Variants in MAP3K9 observed in about 807,000 individuals in gnomAD.
MAP3K9 encodes the protein mixed lineage kinase 1 (tyr and ser/thr specificity).
MAP3K9 carries 46 observed loss-of-function variants against 95.8 expected under a neutral mutation model. The ratio of observed to expected loss-of-function variants is 0.48; its 90% CI spans 0.38 to 0.61. MAP3K9 has a LOEUF of 0.61. MAP3K9 is among the 20% of genes least tolerant of loss of function. The probability of loss-of-function intolerance (pLI) is 0.00; values close to 1 mark genes in which losing one functional copy is unlikely to be tolerated. For synonymous variants in MAP3K9, 533 were observed against 593.8 expected (o/e 0.90, Z 1.49); for missense variants, 1,296 against 1,474.3 (o/e 0.88, Z 1.98).
At chr14:70,774,720 C>G (rs1566755115) in intron 2 of MAP3K9, among the ~76,000 whole-genome samples, 1 of 151,774 alleles carries the variant, frequency 6.6e-6, no homozygotes, top group Non-Finnish European at 1.5e-5. Flanking sequence ...GGCACGGTGG[C>G]TCACGCCTGT....
chr14:70,782,416 A>G (rs2054691579), intron 2 of MAP3K9, among the ~76,000 whole-genome samples: 1 of 152,166 alleles, frequency 6.6e-6, no homozygotes, highest in Non-Finnish European at 1.5e-5. Flanking sequence ...CAGGCATTGC[A>G]GAGGAGAAAG....
rs2053836303 is a variant in MAP3K9 at position 70,727,610 on chromosome 14, C to G, written c.*2770G>C. 6.6e-6 allele frequency: 1 copy of G among 152,392 alleles called. No homozygotes were observed. Among genetic ancestry groups the G allele is most frequent in the Admixed American group, 6.5e-5 (1 of 15,296 alleles). 9.4% of individuals were successfully genotyped at this position (152,392 alleles called of 1,614,324 possible). ...GCCACTGAGACCTGCTACTACTATA[C>G]AGATCCTTAGCCCATCTCCAACCTT... On this transcript the variant is annotated 3_prime_UTR_variant, in exon 12 of 12. Coordinates refer to ENST00000554752, the MANE Select transcript of MAP3K9 (RefSeq NM_001284230.2).
intron 2 of MAP3K9, among the ~76,000 whole-genome samples, chr14:70,773,959 T>G (rs1209989876): frequency 1.3e-5 from 2 of 152,214 alleles, no homozygotes; most frequent in African/African-American, 2.4e-5. Context: ...TGCTCATTAC[T>G]ACAGCAAAAC....
intron 10 of MAP3K9, 107 bp downstream of exon 10, chr14:70,734,279 C>T: frequency 1.3e-6 from 1 of 770,266 alleles, no homozygotes; most frequent in Non-Finnish European, 2.3e-6. Context: ...CCAATGTTTC[C>T]TCCATGAAGC....
At position 70,733,311 on chromosome 14, in the gene MAP3K9, T is replaced by C. The variant is rs762107916; in HGVS notation, c.2058A>G (p.Gly686=). 2 of 1,542,470 alleles carry C rather than the reference T, an allele frequency of 1.3e-6. No individual in the cohort carries two copies. The highest frequency in any genetic ancestry group is 3.5e-5 in the Admixed American group (2 of 57,098). The part of the protein sequence containing the change: ...EDEDSEGPGS[G]ESRLQHSPSQ... Reference sequence around the variant, plus strand: ...TGGGTGAATGCTGTAGGCGACTCTCTCCACTCCCTGGGCCTTCACTGTCCT... The same window carrying C: ...TGGGTGAATGCTGTAGGCGACTCTCCCCACTCCCTGGGCCTTCACTGTCCT... The change falls in exon 11 of 12, where the codon GGA becomes GGG. Residue 686 remains glycine, a synonymous_variant. Transcript: ENST00000554752.
Position 70,740,742 on chromosome 14 carries a change from GT to G in MAP3K9, c.1568-579del, listed in dbSNP as rs2054058669. ...AAAACTTACAGGTCTGAATTTCTGA[GT>G]TTCAGTCTCCTCATCTATCAAAGAG... On this transcript the variant is annotated intron_variant, in intron 6 of 11. Transcript: ENST00000554752. 2.6e-5 allele frequency among the ~76,000 whole-genome samples: 4 copies of G among 152,188 alleles called. No homozygotes were observed. The East Asian group carries it at 7.7e-4, about 29-fold the overall frequency.
At chr14:70,749,602 T>C (rs1594777355) in intron 4 of MAP3K9, 1 of 227,464 alleles carries the variant, frequency 4.4e-6, no homozygotes, top group Non-Finnish European at 8.6e-6. Context: ...TCTCCTAAGA[T>C]GTTCTTCACG....
intron 3 of MAP3K9, among the ~76,000 whole-genome samples, chr14:70,753,209 C>T (rs1462074637): frequency 1.3e-5 from 2 of 152,188 alleles, no homozygotes; most frequent in African/African-American, 4.8e-5. Flanking sequence ...CAACAACTAA[C>T]CCTCATCCAG....
intron 3 of MAP3K9, among the ~76,000 whole-genome samples, chr14:70,759,368 G>A (rs2054339132): frequency 2.0e-5 from 3 of 152,162 alleles, no homozygotes; most frequent in Admixed American, 2.0e-4. Context: ...CTTGAACCCG[G>A]GAGGCAGAGG....
chr14:70,770,013 A>T (rs1394709417), intron 2 of MAP3K9, among the ~76,000 whole-genome samples: 1 of 152,190 alleles, frequency 6.6e-6, no homozygotes, highest in African/African-American at 2.4e-5. Flanking sequence ...GGAATAAGCT[A>T]AACAGAGTCT....
Position 70,730,801 on chromosome 14 carries a change from T to G in MAP3K9, c.2894A>C (p.Asn965Thr). 1 of 1,612,194 alleles carries G rather than the reference T, an allele frequency of 6.2e-7. No homozygotes were observed. Among genetic ancestry groups the G allele is most frequent in the Admixed American group, 1.7e-5 (1 of 59,894 alleles). Residue 965 changes from asparagine to threonine, a missense_variant, in exon 12 of 12, where the codon AAT becomes ACT. Asn to Thr is a moderately conservative substitution (Grantham distance 65). Transcript: ENST00000554752. Reference sequence around the variant, plus strand: ...CCTTGGGGTTGGGGGGAAGACCACATTGGGGTCAGGGAGACGGGGGAATTC... The same window carrying G: ...CCTTGGGGTTGGGGGGAAGACCACAGTGGGGTCAGGGAGACGGGGGAATTC... ...PGEFPRLPDP[N>T]VVFPPTPRRW...
chr14:70,760,640 A>G (rs958892297), intron 3 of MAP3K9, among the ~76,000 whole-genome samples: 2 of 152,176 alleles, frequency 1.3e-5, no homozygotes, highest in Non-Finnish European at 2.9e-5. Flanking sequence ...AAAGCCTAGC[A>G]TTGCTGAGCA....
intron 5 of MAP3K9, among the ~76,000 whole-genome samples, chr14:70,745,669 T>C (rs4902844): frequency 0.87 from 132,436 of 151,606 alleles, 57,898 homozygotes; most frequent in Middle Eastern, 0.93. Context: ...ACCCGGGAGG[T>C]GGAGGTTGCA....
intron 2 of MAP3K9, among the ~76,000 whole-genome samples, chr14:70,775,205 C>T (rs1292932151): frequency 2.0e-5 from 3 of 152,022 alleles, no homozygotes; most frequent in African/African-American, 7.3e-5. Context: ...TGCATACCTA[C>T]TATGTCCCAG....
chr14:70,807,542 T>G (rs1247808267), intron 1 of MAP3K9, among the ~76,000 whole-genome samples: 4 of 152,054 alleles, frequency 2.6e-5, no homozygotes, highest in African/African-American at 9.7e-5. Flanking sequence ...AAAAAATAAC[T>G]TACAGAGCCA....
intron 2 of MAP3K9, among the ~76,000 whole-genome samples, chr14:70,766,225 A>G (rs2054453665): frequency 6.6e-6 from 1 of 152,142 alleles, no homozygotes; most frequent in Non-Finnish European, 1.5e-5. Flanking sequence ...ACAGGAAAAG[A>G]GCAGATAATT....
chr14:70,799,886 C>T (rs2054909724), intron 2 of MAP3K9, among the ~76,000 whole-genome samples: 1 of 152,166 alleles, frequency 6.6e-6, no homozygotes, highest in African/African-American at 2.4e-5. Context: ...CAATTGTGTC[C>T]TCTTTACCAC....
At chr14:70,782,875 A>G (rs943013472) in intron 2 of MAP3K9, among the ~76,000 whole-genome samples, 2 of 152,184 alleles carry the variant, frequency 1.3e-5, no homozygotes, top group African/African-American at 4.8e-5. Context: ...TCAAAACTAT[A>G]CAAATTCTCT....
chr14:70,729,028 G>C lies in MAP3K9; in HGVS notation c.*1352C>G, dbSNP rs575778221. On this transcript the variant is annotated 3_prime_UTR_variant, in exon 12 of 12. Transcript: ENST00000554752. ...GAGGAAGCTCAACATTCAAGTTAAGGAAACAACTTCCAGGAAGGTCAGGGT... is the reference window on the plus strand; with the variant it reads ...GAGGAAGCTCAACATTCAAGTTAAGCAAACAACTTCCAGGAAGGTCAGGGT... 1 of 152,394 alleles carries C rather than the reference G, an allele frequency of 6.6e-6. No homozygotes were observed. Among genetic ancestry groups the C allele is most frequent in the African/African-American group, 2.4e-5 (1 of 41,548 alleles). The allele number at this position is 152,394 out of a possible 1,614,324, so 9.4% of individuals were successfully genotyped here. A position where few individuals can be genotyped will look rare whatever the true frequency, so the allele number is the denominator to read the frequency against.
Sources: gnomAD v4.1 joint callset for allele counts (sites outside exome capture counted in the v4.1 genomes callset) on GRCh38, gnomAD v4.1.1 for gene constraint, MANE v1.5 for transcripts, NCBI Gene and HGNC (gene_info 2026-07-23, HGNC 2026-07-21) for gene names.